Variants in NOSTRIN observed in about 807,000 individuals in gnomAD.
NOSTRIN encodes the protein nitric oxide synthase trafficking.
NOSTRIN carries 63 observed loss-of-function variants against 59.0 expected under a neutral mutation model. The observed-to-expected ratio is 1.07, with a 90% CI of 0.87 to 1.32. NOSTRIN has a LOEUF of 1.32. NOSTRIN is among the 40% of genes most tolerant of loss of function. The pLI, the probability that NOSTRIN is intolerant of heterozygous loss-of-function variation, is 0.00. For missense variants in NOSTRIN, 512 were observed against 473.1 expected (o/e 1.08, Z -0.76); for synonymous variants, 200 against 165.4 (o/e 1.21, Z -1.61).
chr2:168,839,121 C>G (rs1039158864), intron 7 of NOSTRIN, among the ~76,000 whole-genome samples: 4 of 152,220 alleles, frequency 2.6e-5, no homozygotes, highest in Non-Finnish European at 5.9e-5. Context: ...AAGACCCTTC[C>G]TGACTTGAAC....
At chr2:168,818,214 T>A (rs1330910950) in intron 2 of NOSTRIN, 3 of 422,926 alleles carry the variant, frequency 7.1e-6, no homozygotes, top group Non-Finnish European at 1.4e-5. Flanking sequence ...AGTGCAGTGG[T>A]GCAATTATAG....
chr2:168,831,480 T>C lies in NOSTRIN; in HGVS notation c.351T>C (p.Asn117=). ...TTTTCCTTTTTCAATAGCTTGACAA[T>C]GAAGTTGAAAAGACAGCAAATCTTG... ...VQEKKRKSLD[N]EVEKTANLVI... is the part of the protein sequence containing the mutation. The change falls in exon 6 of 16, where the codon AAT becomes AAC. Residue 117 remains asparagine (N), a synonymous_variant. Coordinates refer to ENST00000317647, the MANE Select transcript of NOSTRIN (RefSeq NM_001039724.4). The C allele has an allele frequency of 1.2e-6, 1 of 865,364 alleles. No homozygotes were observed. The highest frequency in any genetic ancestry group is 2.0e-6 in the Non-Finnish European group (1 of 495,518). The allele number at this position is 865,364 out of a possible 1,614,324, so 53.6% of individuals were successfully genotyped here.
chr2:168,845,523 G>A (rs1164353787), intron 8 of NOSTRIN, among the ~76,000 whole-genome samples: 4 of 152,326 alleles, frequency 2.6e-5, no homozygotes, highest in South Asian at 4.1e-4. Flanking sequence ...GGAAGGCTAT[G>A]ATTATCTTCA....
chr2:168,822,073 T>A (rs559710326), intron 2 of NOSTRIN, among the ~76,000 whole-genome samples: 2 of 152,350 alleles, frequency 1.3e-5, no homozygotes, highest in South Asian at 4.1e-4. Context: ...TCAAGGGTGA[T>A]GGTCTCTCCC....
chr2:168,863,990 A>C (rs1390517595), intron 15 of NOSTRIN, among the ~76,000 whole-genome samples: 1 of 151,686 alleles, frequency 6.6e-6, no homozygotes, highest in East Asian at 1.9e-4. Flanking sequence ...AGCTCACTGC[A>C]ACCTCCGTCT....
chr2:168,812,595 C>T (rs770275356), intron 2 of NOSTRIN, among the ~76,000 whole-genome samples: 1 of 152,102 alleles, frequency 6.6e-6, no homozygotes, highest in Non-Finnish European at 1.5e-5. Context: ...GCTTAGGGGT[C>T]ATGCTTAAAT....
At chr2:168,795,382 C>T (rs1235947823), upstream of NOSTRIN, among the ~76,000 whole-genome samples, 2 of 152,216 alleles carry the variant, frequency 1.3e-5, no homozygotes, top group East Asian at 3.8e-4. Context: ...AACAAATCTG[C>T]ATTTGTAAAA....
intron 2 of NOSTRIN, among the ~76,000 whole-genome samples, chr2:168,789,360 C>T (rs937394468): frequency 1.3e-5 from 2 of 152,298 alleles, no homozygotes; most frequent in Admixed American, 6.5e-5. Context: ...ACCTCATAAC[C>T]ATGGCCGAAG....
chr2:168,841,076 A>G (rs1688067921), intron 7 of NOSTRIN, among the ~76,000 whole-genome samples: 1 of 151,820 alleles, frequency 6.6e-6, no homozygotes, highest in Non-Finnish European at 1.5e-5. Flanking sequence ...AACATGGTGA[A>G]ACCCCACCTC....
At chr2:168,788,061 A>G (rs1685251313) in intron 2 of NOSTRIN, 1 of 149,142 alleles carries the variant, frequency 6.7e-6, no homozygotes, top group Non-Finnish European at 1.5e-5. Flanking sequence ...AAGTGATAAG[A>G]AAAAAAAAAT....
At chr2:168,862,778 A>T (rs894117627) in intron 15 of NOSTRIN, among the ~76,000 whole-genome samples, 1 of 149,902 alleles carries the variant, frequency 6.7e-6, no homozygotes. Flanking sequence ...TCCAGTTAGA[A>T]ACCATGTTTG....
chr2:168,847,399 C>T (rs1688494330), intron 8 of NOSTRIN, among the ~76,000 whole-genome samples: 1 of 152,100 alleles, frequency 6.6e-6, no homozygotes, highest in South Asian at 2.1e-4. Context: ...CCTCCCTAGA[C>T]CTGGGAGCCT....
In NOSTRIN at chr2:168,834,515, A is replaced by ACACG. The variant is rs767460271; in HGVS notation, c.504+193_504+194insGCAC. Among the ~76,000 whole-genome samples the ACACG allele has an allele frequency of 1.7e-3, 240 of 144,930 alleles. 3 individuals carry two copies. Among genetic ancestry groups the ACACG allele is most frequent in the African/African-American group, 5.8e-3 (227 of 39,256 alleles). On this transcript the variant is annotated intron_variant, in intron 7 of 15. Coordinates refer to ENST00000317647, the MANE Select transcript of NOSTRIN (RefSeq NM_001039724.4). Reference sequence around the variant, plus strand: ...TGCGCGCGCGCGCGCGCGCACACACACACACACACACACACACACACACAC... The same window carrying ACACG: ...TGCGCGCGCGCGCGCGCGCACACACACACGCACACACACACACACACACACACAC...
intron 7 of NOSTRIN, among the ~76,000 whole-genome samples, chr2:168,834,936 A>C: frequency 6.6e-6 from 1 of 152,360 alleles, no homozygotes; most frequent in South Asian, 2.1e-4. Context: ...ATAAAGATGA[A>C]ATAATATTTT....
chr2:168,851,151 A>G lies in NOSTRIN; in HGVS notation c.698A>G (p.His233Arg). The G allele has an allele frequency of 1.9e-6, 3 of 1,611,910 alleles. No individual in the cohort carries two copies. The highest frequency in any genetic ancestry group is 1.3e-5 in the African/African-American group (1 of 75,028). The stretch of plus-strand genomic sequence containing the variant: ...AATAACTTAAACCAGTACAGCCAAC[A>G]TATTTCTCTTTTTGGCCAAACCCTG... ...LCNNLNQYSQHISLFGQTLTT... is the reference protein window; with the variant it reads ...LCNNLNQYSQRISLFGQTLTT... Residue 233 changes from histidine to arginine, a missense_variant, in exon 9 of 16, where the codon CAT becomes CGT. Coordinates refer to ENST00000317647, the MANE Select transcript of NOSTRIN (RefSeq NM_001039724.4).
At chr2:168,813,215 C>T (rs1024791996) in intron 2 of NOSTRIN, among the ~76,000 whole-genome samples, 2 of 152,190 alleles carry the variant, frequency 1.3e-5, no homozygotes, top group African/African-American at 4.8e-5. Flanking sequence ...TAGAAAGCCA[C>T]CTTCTGCCTG....
chr2:168,828,220 A>T lies in NOSTRIN; in HGVS notation c.260A>T (p.Gln87Leu). The T allele has an allele frequency of 1.1e-6, 1 of 872,980 alleles. No individual in the cohort carries two copies. The highest frequency in any genetic ancestry group is 1.3e-5 in the South Asian group (1 of 76,544). The allele number at this position is 872,980 out of a possible 1,614,324, so 54.1% of individuals were successfully genotyped here. The change falls in exon 4 of 16, where the codon CAA (glutamine) becomes CTA (leucine). Residue 87 changes from glutamine (Q) to leucine (L), a missense_variant and splice_region_variant. Transcript: ENST00000317647. ...ATGAAATCCACAGCGGACCTGCATC[A>T]GTGAGTTCTCCCACCCTGGCCTTTC... ...EGMKSTADLHQKLGKAIELEA... is the reference protein window; with the variant it reads ...EGMKSTADLHLKLGKAIELEA...
chr2:168,794,697 C>T (rs1457243793), upstream of NOSTRIN, among the ~76,000 whole-genome samples: 1 of 152,142 alleles, frequency 6.6e-6, no homozygotes, highest in East Asian at 1.9e-4. Flanking sequence ...TTGACTGAAC[C>T]TAAGTTCGAG....
intron 8 of NOSTRIN, among the ~76,000 whole-genome samples, chr2:168,846,987 A>G (rs1036415022): frequency 5.9e-5 from 9 of 152,332 alleles, no homozygotes; most frequent in African/African-American, 1.7e-4. Context: ...TTGAGGAAGT[A>G]GCTGACAAAC....
Sources: allele counts gnomAD v4.1 joint callset (sites outside exome capture counted in the v4.1 genomes callset), GRCh38; gene constraint gnomAD v4.1.1; transcripts MANE v1.5; gene names NCBI Gene and HGNC (gene_info 2026-07-23, HGNC 2026-07-21).